SYCP2: variants seen among roughly 807,000 people sequenced by gnomAD.
SYCP2 encodes the protein synaptonemal complex lateral element protein.
Under a neutral mutation model 211.3 loss-of-function variants are expected in SYCP2, and 55 were observed. The ratio of observed to expected loss-of-function variants is 0.26; its 90% CI spans 0.21 to 0.33. The LOEUF is 0.33. Ranked by LOEUF, SYCP2 falls within the 10% of genes least tolerant of loss-of-function variation. The pLI is 1.00. For synonymous variants in SYCP2, 570 were observed against 555.2 expected (o/e 1.03, Z -0.37); for missense variants, 1,731 against 1,752.0 (o/e 0.99, Z 0.21).
At position 59,895,396 on chromosome 20, in the gene SYCP2, C is replaced by G. The variant is rs747268328; in HGVS notation, c.1665+41G>C. ...AGCTCAATACATATTTCCACAATTA[C>G]TTGAAAAAATATTTTTAAAATACTT... On this transcript the variant is annotated intron_variant, in intron 20 of 44. Transcript: ENST00000357552. 1.1e-5 allele frequency: 17 copies of G among 1,539,256 alleles called. No individual in the cohort carries two copies. In the African/African-American group the frequency reaches 2.4e-4, roughly 21 times the overall value.
chr20:59,911,460 GT>G lies in SYCP2; in HGVS notation c.972+289del, dbSNP rs530707183. ...TCTAAAGTCAATTCACTTTGTTTATGTGAATACAAAATTTTAACTGTCATAA... is the reference window on the plus strand; with the variant it reads ...TCTAAAGTCAATTCACTTTGTTTATGGAATACAAAATTTTAACTGTCATAA... On this transcript the variant is annotated intron_variant, in intron 14 of 44. Transcript: ENST00000357552. 3.3e-5 allele frequency among the ~76,000 whole-genome samples: 5 copies of G among 152,168 alleles called. No homozygotes were observed. The East Asian group carries it at 9.6e-4, about 29-fold the overall frequency.
intron 33 of SYCP2, among the ~76,000 whole-genome samples, chr20:59,877,039 C>T (rs932309212): frequency 3.3e-5 from 5 of 152,148 alleles, no homozygotes; most frequent in Non-Finnish European, 7.4e-5. Context: ...GGAAGAACCT[C>T]AGACACCAAT....
chr20:59,906,538 A>G (rs941616349), intron 15 of SYCP2, among the ~76,000 whole-genome samples: 1 of 152,154 alleles, frequency 6.6e-6, no homozygotes, highest in Non-Finnish European at 1.5e-5. Context: ...TACCTTAATC[A>G]AATATTAATT....
Position 59,867,753 on chromosome 20 carries a change from C to G in SYCP2, c.4083G>C (p.Glu1361Asp), listed in dbSNP as rs748212354. The G allele has an allele frequency of 6.8e-6, 11 of 1,610,078 alleles. No individual in the cohort carries two copies. In the African/African-American group the frequency reaches 1.3e-4, roughly 20 times the overall value. Reference sequence around the variant, plus strand: ...ATTCTGAATTGAGCCTCTCGTAAGTCTCATAAGTCATCTCTATCCCTGCAA... The same window carrying G: ...ATTCTGAATTGAGCCTCTCGTAAGTGTCATAAGTCATCTCTATCCCTGCAA... Reference protein sequence around the residue: ...NEFAGIEMTYETYERLNSEFK... With the variant: ...NEFAGIEMTYDTYERLNSEFK... The change falls in exon 39 of 45, where the codon GAG becomes GAC. Residue 1361 changes from glutamate to aspartate, a missense_variant. Physicochemically the swap from Glu to Asp is conservative, Grantham distance 45. Transcript: ENST00000357552.
chr20:59,909,762 T>C (rs975122852), intron 14 of SYCP2, among the ~76,000 whole-genome samples: 3 of 152,238 alleles, frequency 2.0e-5, no homozygotes, highest in Non-Finnish European at 4.4e-5. Context: ...TATAAACTAA[T>C]CTTATACTCT....
At chr20:59,879,822 A>AAT (rs1159547809) in intron 31 of SYCP2, among the ~76,000 whole-genome samples, 2,104 of 50,654 alleles carry the variant, frequency 0.042, 13 homozygotes, top group Middle Eastern at 0.095. Context: ...AATATAAATA[A>AAT]ATATATATAT....
chr20:59,891,971 A>G lies in SYCP2; in HGVS notation c.2364+19T>C, dbSNP rs2059916560. 1 of 1,555,838 alleles carries G rather than the reference A, an allele frequency of 6.4e-7. No individual in the cohort carries two copies. Among genetic ancestry groups the G allele is most frequent in the African/African-American group, 1.4e-5 (1 of 72,302 alleles). Reference sequence around the variant, plus strand: ...GCATCTTATGGATATGCAGAAATCAAAACACATTGAAAGCTCACCATTTTT... The same window carrying G: ...GCATCTTATGGATATGCAGAAATCAGAACACATTGAAAGCTCACCATTTTT... On this transcript the variant is annotated intron_variant, in intron 24 of 44. Transcript: ENST00000357552.
In SYCP2 at chr20:59,892,029, A is replaced by C; in HGVS notation, c.2325T>G (p.Thr775=). The change falls in exon 24 of 45, where the codon ACT becomes ACG. Residue 775 remains threonine, a synonymous_variant. Transcript: ENST00000357552. ...QSHRKAEKEL[T]SELNSWDSKQ... Reference sequence around the variant, plus strand: ...TCGAATCCCAGGAATTAAGCTCAGAAGTCAATTCTTTCTCTGCTTTTCTAT... The same window carrying C: ...TCGAATCCCAGGAATTAAGCTCAGACGTCAATTCTTTCTCTGCTTTTCTAT... The C allele has an allele frequency of 6.2e-7, 1 of 1,605,674 alleles. No homozygotes were observed. Among genetic ancestry groups the C allele is most frequent in the Non-Finnish European group, 8.5e-7 (1 of 1,177,156 alleles).
chr20:59,911,657 C>A (rs956918178), intron 14 of SYCP2, 93 bp downstream of exon 14: 2 of 508,204 alleles, frequency 3.9e-6, no homozygotes, highest in African/African-American at 4.0e-5. Context: ...TAAAGACTGG[C>A]TAGAACATAT....
intron 24 of SYCP2, among the ~76,000 whole-genome samples, chr20:59,888,358 T>C (rs752311825): frequency 1.3e-5 from 2 of 151,990 alleles, no homozygotes; most frequent in Non-Finnish European, 2.9e-5. Context: ...CATTTGAAAA[T>C]TAATGTACTC....
At chr20:59,920,776 A>T (rs1255492840) in intron 4 of SYCP2, among the ~76,000 whole-genome samples, 1 of 151,636 alleles carries the variant, frequency 6.6e-6, no homozygotes, top group African/African-American at 2.4e-5. Context: ...AAAAAGCTCC[A>T]TGTATTTAAC....
Position 59,892,111 on chromosome 20 carries a change from T to C in SYCP2, c.2243A>G (p.Asp748Gly). The change falls in exon 24 of 45, where the codon GAT becomes GGT. Residue 748 changes from aspartate (D) to glycine (G), a missense_variant. By Grantham distance (94) the Asp-to-Gly change is moderately conservative. Coordinates refer to ENST00000357552, the MANE Select transcript of SYCP2 (RefSeq NM_014258.4). ...IYRKKYILSK[D>G]VNTATCDKNP... is the part of the protein sequence containing the mutation. ...TTTATCGCAAGTAGCAGTATTCACA[T>C]CTTTTGACAATATGTATTTCTTCCT... is the stretch of plus-strand genomic sequence containing the variant. 8.1e-6 allele frequency: 13 copies of C among 1,612,280 alleles called. No individual in the cohort carries two copies. The highest frequency in any genetic ancestry group is 1.1e-5 in the Non-Finnish European group (13 of 1,178,982).
chr20:59,898,837 T>C (rs932704433), intron 18 of SYCP2, among the ~76,000 whole-genome samples: 2 of 152,162 alleles, frequency 1.3e-5, no homozygotes, highest in Non-Finnish European at 2.9e-5. Context: ...ATAAATAATG[T>C]TAATGAAGAT....
intron 15 of SYCP2, among the ~76,000 whole-genome samples, chr20:59,906,280 T>C (rs897211695): frequency 2.0e-5 from 3 of 152,120 alleles, no homozygotes; most frequent in East Asian, 1.9e-4. Context: ...GGAAGACTTA[T>C]ACTGACTGAC....
Position 59,921,335 on chromosome 20 carries a change from T to C in SYCP2, c.143A>G (p.His48Arg), listed in dbSNP as rs756333806. The C allele has an allele frequency of 5.0e-6, 8 of 1,606,864 alleles. No homozygotes were observed. In the Admixed American group the frequency reaches 6.8e-5, roughly 14 times the overall value. Residue 48 changes from histidine (H) to arginine (R), a missense_variant, in exon 4 of 45, where the codon CAC (histidine) becomes CGC (arginine). Around this residue, in one of 3 missense-constraint regions of SYCP2, gnomAD observed 335 missense variants for 378.8 expected, o/e 0.88. Coordinates refer to ENST00000357552, the MANE Select transcript of SYCP2 (RefSeq NM_014258.4). ...CCTGCATATAAGGTTGTCCACCTTG[T>C]GGAAAAACTGTTTGCTGCATTTAAT... The part of the protein sequence containing the change: ...VKIKCSKQFF[H>R]KVDNLICREL...
At chr20:59,864,880 A>T (rs1335988401) in intron 44 of SYCP2, among the ~76,000 whole-genome samples, 1 of 152,024 alleles carries the variant, frequency 6.6e-6, no homozygotes, top group South Asian at 2.1e-4. Flanking sequence ...TTATCACTTA[A>T]AACAGTACCT....
rs781486888 is a variant in SYCP2, at chr20:59,914,238, C to T, written c.648G>A (p.Gln216=). ...RILDAGDYDL[Q]VGIVEALCRM... Reference sequence around the variant, plus strand: ...TACACAAAGCTTCTACAATGCCTACCTGTAAGTCATAATCTATTAAAAAAA... The same window carrying T: ...TACACAAAGCTTCTACAATGCCTACTTGTAAGTCATAATCTATTAAAAAAA... The change falls in exon 11 of 45, where the codon CAG becomes CAA. Residue 216 remains glutamine, a synonymous_variant. Coordinates refer to ENST00000357552, the MANE Select transcript of SYCP2 (RefSeq NM_014258.4). 1.3e-6 allele frequency: 2 copies of T among 1,574,232 alleles called. No homozygotes were observed. Among genetic ancestry groups the T allele is most frequent in the African/African-American group, 1.4e-5 (1 of 73,374 alleles).
At position 59,911,763 on chromosome 20, in the gene SYCP2, G is replaced by A; in HGVS notation, c.959C>T (p.Ala320Val). ...LGSQTLSFYI[A>V]GDNDDHQWEA... The stretch of plus-strand genomic sequence containing the variant: ...AATTAAACTTACATCATTATCTCCA[G>A]CAATGTAGAATGAGAGAGTCTGACT... Residue 320 changes from alanine to valine, a missense_variant, in exon 14 of 45, where the codon GCT becomes GTT. This residue lies in a region of SYCP2 where 335 missense variants were observed against 378.8 expected (regional missense o/e 0.88). Coordinates refer to ENST00000357552, the MANE Select transcript of SYCP2 (RefSeq NM_014258.4). 1 of 1,560,440 alleles carries A rather than the reference G, an allele frequency of 6.4e-7. No homozygotes were observed. Among genetic ancestry groups the A allele is most frequent in the Non-Finnish European group, 8.8e-7 (1 of 1,142,662 alleles).
chr20:59,867,682 T>A, intron 39 of SYCP2, 29 bp downstream of exon 39: 1 of 1,562,514 alleles, frequency 6.4e-7, no homozygotes, highest in African/African-American at 1.4e-5. Flanking sequence ...TATTATTGGG[T>A]ATAAATCATA....
Sources: allele counts gnomAD v4.1 joint callset (sites outside exome capture counted in the v4.1 genomes callset), GRCh38; gene constraint gnomAD v4.1.1; regional missense constraint gnomAD v4.1.1; transcripts MANE v1.5; gene names NCBI Gene and HGNC (gene_info 2026-07-23, HGNC 2026-07-21).